Variants in LGR6 observed in about 807,000 individuals in gnomAD.
The protein encoded by LGR6 is leucine-rich repeat-containing G protein-coupled receptor 6.
Under a neutral mutation model 69.4 loss-of-function variants are expected in LGR6, and 45 were observed. The ratio of observed to expected loss-of-function variants is 0.65; its 90% confidence interval spans 0.51 to 0.83. The LOEUF is 0.83. Among genes scored for constraint, LGR6 ranks in the 40% least tolerant of loss-of-function variants. The pLI is 0.00. For synonymous variants in LGR6, 538 were observed against 555.0 expected, an observed-to-expected ratio of 0.97 and a Z score of 0.43; for missense variants, 1,108 against 1,246.7, an observed-to-expected ratio of 0.89 and a Z score of 1.68.
intron 4 of LGR6, among the ~76,000 whole-genome samples, chr1:202,262,935 CTTTTA>C (rs58749601): frequency 0.071 from 10,496 of 146,842 alleles, 514 homozygotes; most frequent in African/African-American, 0.14. Flanking sequence ...TGAAACTTGC[CTTTTA>C]TTTTATTTTA....
intron 16 of LGR6, among the ~76,000 whole-genome samples, chr1:202,314,214 A>C (rs762070276): frequency 1.3e-5 from 2 of 151,940 alleles, no homozygotes; most frequent in Non-Finnish European, 2.9e-5. Context: ...AAATTCCTTT[A>C]CCCCTAACAG....
In LGR6 at chr1:202,304,586, G is replaced by A. The variant is rs1222616195; in HGVS notation, c.1026G>A (p.Leu342=). 2.5e-6 allele frequency: 4 copies of A among 1,610,614 alleles called. No individual in the cohort carries two copies. Among genetic ancestry groups the A allele is most frequent in the African/African-American group, 1.3e-5 (1 of 74,870 alleles). ...CCCTGACCCGCGCAGGCATCCGGCT[G>A]CTCCCATCGGGGATGTGCCAACAGC... The part of the protein sequence containing the change: ...ILTLTRAGIR[L]LPSGMCQQLP... Residue 342 remains leucine, a synonymous_variant, in exon 11 of 18, where the codon CTG becomes CTA. Coordinates refer to ENST00000367278, the MANE Select transcript of LGR6 (RefSeq NM_001017403.2).
At chr1:202,196,271 G>C (rs1277393059) in intron 1 of LGR6, among the ~76,000 whole-genome samples, 4 of 152,120 alleles carry the variant, frequency 2.6e-5, no homozygotes, top group Non-Finnish European at 5.9e-5. Flanking sequence ...GTTGTCCTGA[G>C]GGTGTCTCAG....
At chr1:202,246,655 T>TA (rs1662731544) in intron 4 of LGR6, among the ~76,000 whole-genome samples, 1 of 151,906 alleles carries the variant, frequency 6.6e-6, no homozygotes. Context: ...TCTGTGCACT[T>TA]AAAATTCTGT....
chr1:202,195,779 G>A (rs1417541182), intron 1 of LGR6, among the ~76,000 whole-genome samples: 4 of 152,200 alleles, frequency 2.6e-5, no homozygotes, highest in Non-Finnish European at 4.4e-5. Context: ...AAGGTCCCTT[G>A]CCTGGGTTGA....
intron 16 of LGR6, among the ~76,000 whole-genome samples, chr1:202,313,088 G>A (rs35287292): frequency 0.017 from 2,522 of 152,144 alleles, 31 homozygotes; most frequent in Non-Finnish European, 0.026. Flanking sequence ...TTAGCCAGGC[G>A]TGGTGGCGGG....
At chr1:202,292,783 T>G (rs908050878) in intron 6 of LGR6, among the ~76,000 whole-genome samples, 7 of 152,250 alleles carry the variant, frequency 4.6e-5, no homozygotes, top group Admixed American at 4.6e-4. Context: ...TGCCACATGT[T>G]GCTACTGAGC....
intron 16 of LGR6, among the ~76,000 whole-genome samples, chr1:202,310,626 A>G (rs939996398): frequency 8.5e-5 from 13 of 152,260 alleles, no homozygotes; most frequent in Admixed American, 2.6e-4. Flanking sequence ...TTTGCAGTTC[A>G]CAAAGTGCCT....
At chr1:202,217,682 G>A (rs556855362) in intron 1 of LGR6, among the ~76,000 whole-genome samples, 1 of 151,668 alleles carries the variant, frequency 6.6e-6, no homozygotes, top group Admixed American at 6.6e-5. Context: ...CCCACTCCAG[G>A]CACCCCTCCA....
intron 6 of LGR6, among the ~76,000 whole-genome samples, chr1:202,282,021 TG>T (rs913093316): frequency 4.6e-5 from 7 of 152,308 alleles, no homozygotes; most frequent in Admixed American, 3.3e-4. Flanking sequence ...TTTTTTCCTG[TG>T]GGCACAAGAC....
chr1:202,223,477 G>T (rs1026539515), intron 1 of LGR6, among the ~76,000 whole-genome samples: 1 of 152,084 alleles, frequency 6.6e-6, no homozygotes, highest in Admixed American at 6.5e-5. Context: ...GCATTTCTTG[G>T]GGGGAAATGC....
intron 4 of LGR6, among the ~76,000 whole-genome samples, chr1:202,264,285 G>A (rs1009284388): frequency 2.0e-5 from 3 of 152,136 alleles, no homozygotes; most frequent in African/African-American, 7.2e-5. Flanking sequence ...GTTAATATGT[G>A]CCTGAATTTT....
intron 4 of LGR6, among the ~76,000 whole-genome samples, chr1:202,258,430 C>T (rs1476129225): frequency 6.6e-6 from 1 of 151,922 alleles, no homozygotes; most frequent in African/African-American, 2.4e-5. Context: ...ATATAGTCTT[C>T]TCCTACAAGA....
chr1:202,202,510 G>A (rs1445321664), intron 1 of LGR6, among the ~76,000 whole-genome samples: 3 of 152,184 alleles, frequency 2.0e-5, no homozygotes, highest in African/African-American at 7.2e-5. Flanking sequence ...ATGGGTTCGA[G>A]GCTAAGTTCC....
chr1:202,304,753 G>C (rs1013849807), intron 11 of LGR6, 123 bp downstream of exon 11: 1 of 669,278 alleles, frequency 1.5e-6, no homozygotes, highest in Non-Finnish European at 2.5e-6. Flanking sequence ...AGCAGCATAG[G>C]CTCCTGCTGA....
At chr1:202,310,741 G>T (rs1653660462) in intron 16 of LGR6, among the ~76,000 whole-genome samples, 1 of 152,034 alleles carries the variant, frequency 6.6e-6, no homozygotes, top group Non-Finnish European at 1.5e-5. Flanking sequence ...TTATCAATCT[G>T]AGCCAATAGG....
intron 6 of LGR6, among the ~76,000 whole-genome samples, chr1:202,284,674 G>C (rs182780874): frequency 1.3e-3 from 204 of 152,252 alleles, no homozygotes; most frequent in African/African-American, 4.5e-3. Context: ...TGGAGGCCAT[G>C]ACGAGCTAGT....
chr1:202,316,193 AGT>A (rs1429823810), intron 17 of LGR6, among the ~76,000 whole-genome samples: 1 of 152,188 alleles, frequency 6.6e-6, no homozygotes, highest in Non-Finnish European at 1.5e-5. Context: ...TAAAGGAAAG[AGT>A]TTTGTTTGAC....
At chr1:202,261,419 T>C (rs1015781377) in intron 4 of LGR6, among the ~76,000 whole-genome samples, 3 of 152,188 alleles carry the variant, frequency 2.0e-5, no homozygotes, top group African/African-American at 7.2e-5. Flanking sequence ...GAACTCATCA[T>C]TTTTTATGGC....
Sources: gnomAD v4.1 joint callset for allele counts (sites outside exome capture counted in the v4.1 genomes callset) on GRCh38, gnomAD v4.1.1 for gene constraint, MANE v1.5 for transcripts, NCBI Gene and HGNC (gene_info 2026-07-23, HGNC 2026-07-21) for gene names.